Variants in SPNS3 observed in about 807,000 individuals in gnomAD.
SPNS3 encodes SPNS lysolipid transporter 3, sphingosine-1-phosphate (putative).
A neutral mutation model predicts 54.4 loss-of-function variants in SPNS3; 51 were observed. The observed-to-expected ratio is 0.94, with a 90% CI of 0.75 to 1.18. The LOEUF is 1.18. Ranked by LOEUF, SPNS3 falls within the 50% of genes most tolerant of loss-of-function variation. The probability of loss-of-function intolerance (pLI) is 0.00; values close to 1 mark genes in which losing one functional copy is unlikely to be tolerated. For missense variants in SPNS3, 669 were observed against 677.4 expected (o/e 0.99, Z 0.14); for synonymous variants, 309 against 294.7 (o/e 1.05, Z -0.50).
At chr17:4,448,545 C>G (rs1015470897) in intron 6 of SPNS3, among the ~76,000 whole-genome samples, 2 of 152,188 alleles carry the variant, frequency 1.3e-5, no homozygotes, top group African/African-American at 4.8e-5. Flanking sequence ...GGCGTGAGCC[C>G]CAGCCTTCCC....
chr17:4,454,813 C>T (rs1426861895), intron 8 of SPNS3, among the ~76,000 whole-genome samples: 2 of 151,394 alleles, frequency 1.3e-5, no homozygotes, highest in African/African-American at 2.4e-5. Context: ...TTAGTAGAGA[C>T]GGGGTTTCAC....
At chr17:4,437,044 T>A (rs2143971940) in intron 1 of SPNS3, among the ~76,000 whole-genome samples, 1 of 152,302 alleles carries the variant, frequency 6.6e-6, no homozygotes, top group South Asian at 2.1e-4. Context: ...CCTCTGTATG[T>A]GCAAGAAAGG....
At chr17:4,454,784 C>A (rs1026149912) in intron 8 of SPNS3, among the ~76,000 whole-genome samples, 5 of 151,866 alleles carry the variant, frequency 3.3e-5, no homozygotes, top group African/African-American at 1.2e-4. Context: ...CCAAGCCCGG[C>A]TAATTTTTTT....
chr17:4,448,388 G>A, intron 6 of SPNS3, 85 bp downstream of exon 6: 3 of 1,329,460 alleles, frequency 2.3e-6, no homozygotes, highest in Admixed American at 7.0e-5. Flanking sequence ...TCCACCTCCA[G>A]GGAGCCCTCC....
At chr17:4,436,054 T>G (rs115259179) in intron 1 of SPNS3, among the ~76,000 whole-genome samples, 1 of 151,852 alleles carries the variant, frequency 6.6e-6, no homozygotes, top group Non-Finnish European at 1.5e-5. Flanking sequence ...CTGGCTGCTG[T>G]GGACCCAGGG....
At chr17:4,447,067 G>T in intron 5 of SPNS3, 105 bp downstream of exon 5, 3 of 1,071,582 alleles carry the variant, frequency 2.8e-6, no homozygotes, top group Non-Finnish European at 3.9e-6. Context: ...GGCGCCATTA[G>T]GGGGACGGGG....
intron 2 of SPNS3, among the ~76,000 whole-genome samples, chr17:4,444,363 C>T (rs1970927023): frequency 6.6e-6 from 1 of 151,818 alleles, no homozygotes; most frequent in Non-Finnish European, 1.5e-5. Flanking sequence ...TACAGATGCC[C>T]ACCATCACAC....
chr17:4,447,737 C>T (rs1367390294), intron 5 of SPNS3, among the ~76,000 whole-genome samples: 1 of 152,054 alleles, frequency 6.6e-6, no homozygotes, highest in Non-Finnish European at 1.5e-5. Context: ...GCAGAGGGGC[C>T]GCTAGGAGAG....
intron 8 of SPNS3, among the ~76,000 whole-genome samples, chr17:4,458,233 C>T (rs1392553754): frequency 6.6e-6 from 1 of 152,190 alleles, no homozygotes; most frequent in Non-Finnish European, 1.5e-5. Flanking sequence ...CCGTGTCTTC[C>T]TGCTCACCCA....
intron 8 of SPNS3, 23 bp from the exon 9 acceptor site, chr17:4,478,549 C>G (rs371339592): frequency 2.6e-5 from 40 of 1,557,818 alleles, no homozygotes; most frequent in Non-Finnish European, 3.1e-5. Flanking sequence ...GGAATCCTCA[C>G]CCAGGCCACC....
In SPNS3 at chr17:4,486,507, C is replaced by G. The variant is rs140413188; in HGVS notation, c.1374C>G (p.Ala458=). Residue 458 remains alanine, a synonymous_variant, in exon 11 of 12, where the codon GCC becomes GCG. Transcript: ENST00000355530. This position sits in a 1 kb window ranked among gnomAD's most constrained non-coding sequence, Gnocchi z 5.5. The part of the protein sequence containing the change: ...QSFLCCAFVI[A]LGGGCFLLTA... Reference sequence around the variant, plus strand: ...TCCTGTGCTGCGCCTTTGTCATCGCCCTGGGGGGCGGCTGCTTCCTGCTGA... The same window carrying G: ...TCCTGTGCTGCGCCTTTGTCATCGCGCTGGGGGGCGGCTGCTTCCTGCTGA... 4.3e-4 allele frequency: 693 copies of G among 1,613,520 alleles called. 2 individuals carry two copies. Among genetic ancestry groups the G allele is most frequent in the Non-Finnish European group, 5.1e-4 (607 of 1,179,974 alleles).
chr17:4,468,721 T>TTTTCTTTCTTTCTTTCTTTCTTTCTTTC (rs779220181), intron 8 of SPNS3, among the ~76,000 whole-genome samples: 1,605 of 121,416 alleles, frequency 0.013, 45 homozygotes, highest in East Asian at 0.029. Context: ...TCTCTCTTTC[T>TTTTCTTTCTTTCTTTCTTTCTTTCTTTC]TTTCTTTCTT....
chr17:4,461,281 A>AT (rs1395195681), intron 8 of SPNS3, among the ~76,000 whole-genome samples: 3 of 124,982 alleles, frequency 2.4e-5, no homozygotes, highest in Non-Finnish European at 5.2e-5. Context: ...TATCTTGCTG[A>AT]TTTTTTCAAA....
At chr17:4,445,983 C>A in intron 3 of SPNS3, 65 bp from the exon 4 acceptor site, 1 of 1,530,660 alleles carries the variant, frequency 6.5e-7, no homozygotes. Flanking sequence ...TCCGACAAAC[C>A]CTCGGGTCCC....
At chr17:4,476,931 T>A (rs1178571404) in intron 8 of SPNS3, among the ~76,000 whole-genome samples, 3 of 152,132 alleles carry the variant, frequency 2.0e-5, no homozygotes, top group African/African-American at 4.8e-5. Context: ...TTGCCTCCGC[T>A]CCCGTGGGTC....
At chr17:4,438,345 G>A (rs1316778314) in intron 1 of SPNS3, among the ~76,000 whole-genome samples, 1 of 152,190 alleles carries the variant, frequency 6.6e-6, no homozygotes, top group Non-Finnish European at 1.5e-5. Context: ...TAGAATGGGG[G>A]CAATGACAGT....
Position 4,435,279 on chromosome 17 carries a change from C to T in SPNS3, c.199+1113C>T, listed in dbSNP as rs550546203. On this transcript the variant is annotated intron_variant, in intron 1 of 11. Coordinates refer to ENST00000355530, the MANE Select transcript of SPNS3 (RefSeq NM_182538.5). ...CTCTACTAAAACTACAAAAATTAGC[C>T]GAGCATGGTAGCGGGCACCTGTAAT... 7.9e-5 allele frequency among the ~76,000 whole-genome samples: 12 copies of T among 151,384 alleles called. No homozygotes were observed. The East Asian group carries it at 1.6e-3, about 20-fold the overall frequency.
chr17:4,448,138 G>A lies in SPNS3; in HGVS notation c.622-17G>A. ...ATAATATGCGGCCCTGAGCTTCCTG[G>A]GCCCTCCTGTCCCCAGGTCATGCCC... On this transcript the variant is annotated splice_polypyrimidine_tract_variant and intron_variant, in intron 5 of 11. Transcript: ENST00000355530. 6.4e-7 allele frequency: 1 copy of A among 1,566,200 alleles called. No individual in the cohort carries two copies. Among genetic ancestry groups the A allele is most frequent in the Non-Finnish European group, 8.6e-7 (1 of 1,161,350 alleles).
chr17:4,486,047 G>C lies in SPNS3; in HGVS notation c.1180-181G>C, dbSNP rs1317220283. On this transcript the variant is annotated intron_variant, in intron 9 of 11. Transcript: ENST00000355530. This position sits in a 1 kb window ranked among gnomAD's most constrained non-coding sequence, Gnocchi z 5.5. ...ATCCTGGGGCACTGGGGAAGCTTCA[G>C]ATGGGCTTGATGTCTTGATGTTCTG... The C allele has an allele frequency of 3.9e-5, 20 of 510,180 alleles. 1 individual carries two copies. The South Asian group carries it at 6.8e-4, about 17-fold the overall frequency. 31.6% of individuals were successfully genotyped at this position (510,180 alleles called of 1,614,324 possible).
Sources: allele counts gnomAD v4.1 joint callset (sites outside exome capture counted in the v4.1 genomes callset), GRCh38; gene constraint gnomAD v4.1.1; non-coding constraint Gnocchi (gnomAD v3.1); transcripts MANE v1.5; gene names NCBI Gene and HGNC (gene_info 2026-07-23, HGNC 2026-07-21).